The following CREBL2 variants were observed in gnomAD, a reference collection of about 807,000 sequenced individuals.
CREBL2 encodes the protein cAMP responsive element binding protein like 2.
A neutral mutation model predicts 19.5 loss-of-function variants in CREBL2; 4 were observed. That is an observed-to-expected ratio of 0.20 (90% CI 0.10 to 0.47). The LOEUF (loss-of-function observed/expected upper bound fraction) is 0.47, where lower values mean the gene tolerates loss of function less well. Ranked by LOEUF, CREBL2 falls within the 20% of genes least tolerant of loss-of-function variation. The probability of loss-of-function intolerance (pLI) is 0.98; values close to 1 mark genes in which losing one functional copy is unlikely to be tolerated. For missense variants in CREBL2, 85 were observed against 145.1 expected, an observed-to-expected ratio of 0.59 and a Z score of 2.13; for synonymous variants, 42 against 46.6, an observed-to-expected ratio of 0.90 and a Z score of 0.40.
chr12:12,612,476 CTACTG>C (rs1945275154), intron 1 of CREBL2, among the ~76,000 whole-genome samples: 1 of 152,172 alleles, frequency 6.6e-6, no homozygotes, highest in Non-Finnish European at 1.5e-5. Context: ...AGATAAGAAA[CTACTG>C]TACTTTTTCT....
At position 12,643,098 on chromosome 12, in the gene CREBL2, C is replaced by G. The variant is rs1274563027; in HGVS notation, c.*1100C>G. 6.6e-6 allele frequency: 1 copy of G among 152,630 alleles called. No individual in the cohort carries two copies. Among genetic ancestry groups the G allele is most frequent in the Non-Finnish European group, 1.5e-5 (1 of 68,050 alleles). The allele number at this position is 152,630 out of a possible 1,614,324, so 9.5% of individuals were successfully genotyped here. A position where few individuals can be genotyped will look rare whatever the true frequency, so the allele number is the denominator to read the frequency against. ...CCTGACAGGCTCTGAGCCAGAAACA[C>G]ACTGTGGGCGTGCATCTGGTTCAGC... On this transcript the variant is annotated 3_prime_UTR_variant, in exon 4 of 4. Transcript: ENST00000228865.
intron 1 of CREBL2, among the ~76,000 whole-genome samples, chr12:12,613,632 T>C (rs1351532997): frequency 1.3e-5 from 2 of 152,168 alleles, no homozygotes; most frequent in Non-Finnish European, 2.9e-5. Flanking sequence ...GCTTGTGAAG[T>C]AGTAAACCCC....
intron 3 of CREBL2, among the ~76,000 whole-genome samples, chr12:12,638,571 G>A (rs576215567): frequency 9.9e-5 from 15 of 152,100 alleles, no homozygotes; most frequent in African/African-American, 2.4e-4. Context: ...GGAGTGGCAC[G>A]AATCTAGCTT....
At position 12,642,101 on chromosome 12, in the gene CREBL2, T is replaced by C. The variant is rs1411138352; in HGVS notation, c.*103T>C. ...CTTGGCTCCATTTACTACCTACTGCTCAGTAGTCATCTCTGTAAATCTGCA... is the reference window on the plus strand; with the variant it reads ...CTTGGCTCCATTTACTACCTACTGCCCAGTAGTCATCTCTGTAAATCTGCA... On this transcript the variant is annotated 3_prime_UTR_variant, in exon 4 of 4. Coordinates refer to ENST00000228865, the MANE Select transcript of CREBL2 (RefSeq NM_001310.4). 1.2e-5 allele frequency: 9 copies of C among 728,896 alleles called. No individual in the cohort carries two copies. The highest frequency in any genetic ancestry group is 1.8e-5 in the Non-Finnish European group (8 of 451,124). 45.2% of individuals were successfully genotyped at this position (728,896 alleles called of 1,614,324 possible).
chr12:12,623,470 A>G (rs1945376580), intron 1 of CREBL2, among the ~76,000 whole-genome samples: 1 of 152,208 alleles, frequency 6.6e-6, no homozygotes, highest in Non-Finnish European at 1.5e-5. Context: ...AGAGGGCTAG[A>G]GCTGATCTTA....
At chr12:12,640,747 C>G (rs1245010444) in intron 3 of CREBL2, among the ~76,000 whole-genome samples, 1 of 152,186 alleles carries the variant, frequency 6.6e-6, no homozygotes, top group Non-Finnish European at 1.5e-5. Context: ...CCCTGAGTTT[C>G]CGCAACAGAG....
chr12:12,637,002 A>AT (rs968872925), intron 2 of CREBL2, among the ~76,000 whole-genome samples: 7 of 152,144 alleles, frequency 4.6e-5, no homozygotes, highest in Admixed American at 6.5e-5. Flanking sequence ...TATTCAGTAG[A>AT]TTTTTTTGAT....
intron 1 of CREBL2, among the ~76,000 whole-genome samples, chr12:12,625,939 T>C (rs1945398041): frequency 6.6e-6 from 1 of 152,164 alleles, no homozygotes; most frequent in South Asian, 2.1e-4. Context: ...ATTAATGTGC[T>C]CCTCTTTACC....
intron 1 of CREBL2, among the ~76,000 whole-genome samples, chr12:12,618,623 C>T (rs567882005): frequency 7.2e-4 from 110 of 152,264 alleles, no homozygotes; most frequent in African/African-American, 2.5e-3. Context: ...ACTTCCCAGG[C>T]GGGGTGGCGG....
intron 1 of CREBL2, chr12:12,615,904 A>G (rs1945308342): frequency 6.6e-6 from 1 of 152,530 alleles, no homozygotes; most frequent in African/African-American, 2.4e-5. Flanking sequence ...CCTTTGTGTT[A>G]ATCATTTTGG....
Position 12,637,025 on chromosome 12 carries a change from A to G in CREBL2, c.214-545A>G, listed in dbSNP as rs538959868. Among the ~76,000 whole-genome samples the G allele has an allele frequency of 3.9e-4, 60 of 152,318 alleles. No individual in the cohort carries two copies. In the Middle Eastern group the frequency reaches 0.014, roughly 35 times the overall value. On this transcript the variant is annotated intron_variant, in intron 2 of 3. Coordinates refer to ENST00000228865, the MANE Select transcript of CREBL2 (RefSeq NM_001310.4). ...AGATTTTTTTGATATGTTGAATGTG[A>G]CATGCTATCAATTATTTCTTACTTT...
At chr12:12,626,507 A>G (rs567785806) in intron 1 of CREBL2, among the ~76,000 whole-genome samples, 1 of 152,004 alleles carries the variant, frequency 6.6e-6, no homozygotes, top group African/African-American at 2.4e-5. Context: ...CCTTTCAGCT[A>G]TTTTTGCTTT....
At chr12:12,615,383 G>C (rs1224911665) in intron 1 of CREBL2, 1 of 147,090 alleles carries the variant, frequency 6.8e-6, no homozygotes, top group East Asian at 2.0e-4. Flanking sequence ...TTTTAACAGA[G>C]ACAGGGTTTC....
intron 1 of CREBL2, among the ~76,000 whole-genome samples, chr12:12,613,990 C>CTTTTTTTTTTTTTTTTTTTTTTTTT (rs57522744): frequency 6.9e-5 from 5 of 72,922 alleles, no homozygotes; most frequent in African/African-American, 2.8e-4. Context: ...TCTTTTTTTT[C>CTTTTTTTTTTTTTTTTTTTTTTTTT]TTTTTTTTTT....
intron 1 of CREBL2, among the ~76,000 whole-genome samples, chr12:12,634,899 AT>A (rs562672314): frequency 4.7e-4 from 68 of 145,874 alleles, no homozygotes; most frequent in Middle Eastern, 3.5e-3. Context: ...CTACAAAGCG[AT>A]TTTTTTTTTT....
At chr12:12,629,850 G>C (rs1438538672) in intron 1 of CREBL2, among the ~76,000 whole-genome samples, 1 of 151,956 alleles carries the variant, frequency 6.6e-6, no homozygotes, top group Non-Finnish European at 1.5e-5. Flanking sequence ...CTTTTTTTGT[G>C]TGTGTGTGAG....
chr12:12,632,279 GT>G (rs1945447927), intron 1 of CREBL2, among the ~76,000 whole-genome samples: 2 of 151,238 alleles, frequency 1.3e-5, no homozygotes, highest in African/African-American at 4.9e-5. Flanking sequence ...GGGTTTCACC[GT>G]TTTAGTCAGG....
At chr12:12,636,494 A>G (rs1390399677) in intron 2 of CREBL2, among the ~76,000 whole-genome samples, 1 of 152,088 alleles carries the variant, frequency 6.6e-6, no homozygotes, top group Admixed American at 6.6e-5. Flanking sequence ...ATCTCAGCTC[A>G]TTGCAAGCTC....
chr12:12,630,687 AG>A (rs1414708543), intron 1 of CREBL2, among the ~76,000 whole-genome samples: 1 of 152,150 alleles, frequency 6.6e-6, no homozygotes, highest in African/African-American at 2.4e-5. Flanking sequence ...GTGGAAGATT[AG>A]ATTACTGATT....
Sources: allele counts gnomAD v4.1 joint callset (sites outside exome capture counted in the v4.1 genomes callset), GRCh38; gene constraint gnomAD v4.1.1; transcripts MANE v1.5; gene names NCBI Gene and HGNC (gene_info 2026-07-23, HGNC 2026-07-21).